RBFOX1: variants seen among roughly 807,000 people sequenced by gnomAD.
RBFOX1 encodes RNA binding protein fox-1 homolog 1.
A neutral mutation model predicts 57.7 loss-of-function variants in RBFOX1; 8 were observed. The observed-to-expected ratio is 0.14, with a 90% confidence interval of 0.08 to 0.25. The LOEUF (loss-of-function observed/expected upper bound fraction) is 0.25, where lower values mean the gene tolerates loss of function less well. Ranked by LOEUF, RBFOX1 falls within the 10% of genes least tolerant of loss-of-function variation. The pLI, the probability that RBFOX1 is intolerant of heterozygous loss-of-function variation, is 1.00. For missense variants in RBFOX1, 611 were observed against 548.5 expected (o/e 1.11, Z -1.14); for synonymous variants, 326 against 222.4 (o/e 1.47, Z -4.15).
At chr16:6,512,977 G>T (rs2096284434) in intron 2 of RBFOX1, among the ~76,000 whole-genome samples, 1 of 152,178 alleles carries the variant, frequency 6.6e-6, no homozygotes, top group African/African-American at 2.4e-5. Flanking sequence ...AGGAGAAGCA[G>T]AATAATTTTG....
intron 3 of RBFOX1, among the ~76,000 whole-genome samples, chr16:6,929,431 C>A (rs993034012): frequency 6.6e-6 from 1 of 152,146 alleles, no homozygotes; most frequent in Non-Finnish European, 1.5e-5. Flanking sequence ...AGGTAAACAG[C>A]AGTTCCCTGG....
chr16:7,690,949 C>T (rs1327958899), intron 14 of RBFOX1, among the ~76,000 whole-genome samples: 2 of 152,084 alleles, frequency 1.3e-5, no homozygotes, highest in Non-Finnish European at 1.5e-5. Flanking sequence ...TCTGATTTTA[C>T]AGACATTTCC....
intron 2 of RBFOX1, among the ~76,000 whole-genome samples, chr16:6,463,025 T>A (rs2094956301): frequency 6.6e-6 from 1 of 152,220 alleles, no homozygotes; most frequent in Non-Finnish European, 1.5e-5. Context: ...TGAGTTTATC[T>A]ACAAGATCCT....
intron 4 of RBFOX1, among the ~76,000 whole-genome samples, chr16:7,347,344 A>G (rs531033189): frequency 6.6e-6 from 1 of 152,300 alleles, no homozygotes; most frequent in Non-Finnish European, 1.5e-5. Context: ...GACATGTTTC[A>G]CATGGATGAC....
At chr16:7,507,921 C>T (rs1450763359) in intron 4 of RBFOX1, among the ~76,000 whole-genome samples, 1 of 151,470 alleles carries the variant, frequency 6.6e-6, no homozygotes. Context: ...ACTAAGGACC[C>T]ATGTTCTGTT....
chr16:5,963,641 A>G (rs1049114527), intron 4 of RBFOX1, among the ~76,000 whole-genome samples: 1 of 152,238 alleles, frequency 6.6e-6, no homozygotes, highest in African/African-American at 2.4e-5. Flanking sequence ...AAGGGTGACA[A>G]GAACCTGCAA....
At chr16:7,628,332 T>C (rs990001308) in intron 10 of RBFOX1, among the ~76,000 whole-genome samples, 7 of 152,188 alleles carry the variant, frequency 4.6e-5, no homozygotes, top group African/African-American at 1.4e-4. Flanking sequence ...GTATATCCTA[T>C]AGAAACACAT....
At chr16:5,792,232 A>C (rs2054726801) in intron 3 of RBFOX1, among the ~76,000 whole-genome samples, 1 of 152,202 alleles carries the variant, frequency 6.6e-6, no homozygotes, top group South Asian at 2.1e-4. Context: ...GCTTCTCTGT[A>C]AATGGTCAGT....
chr16:6,234,543 G>A (rs771392489), intron 1 of RBFOX1, among the ~76,000 whole-genome samples: 1 of 152,270 alleles, frequency 6.6e-6, no homozygotes, highest in African/African-American at 2.4e-5. Context: ...GAAGGCTTCA[G>A]GAATAGGAGC....
chr16:7,691,179 C>A (rs1404724591), intron 14 of RBFOX1, among the ~76,000 whole-genome samples: 1 of 150,512 alleles, frequency 6.6e-6, no homozygotes, highest in Non-Finnish European at 1.5e-5. Context: ...CTGTTAACTC[C>A]TTTTAAATGT....
At chr16:6,375,819 C>G (rs1169481987) in intron 2 of RBFOX1, among the ~76,000 whole-genome samples, 1 of 152,158 alleles carries the variant, frequency 6.6e-6, no homozygotes, top group Non-Finnish European at 1.5e-5. Flanking sequence ...TTCCCTATCC[C>G]TTCTCTCTCC....
chr16:7,452,895 G>A lies in RBFOX1; in HGVS notation c.28-65252G>A, dbSNP rs912360792. On this transcript the variant is annotated intron_variant, in intron 4 of 15. Transcript: ENST00000550418. ...CAGAATCCCAGCATTTTGGGAGGTCGTGGTGGGTGGATCACTTGAGGCCAG... is the reference window on the plus strand; with the variant it reads ...CAGAATCCCAGCATTTTGGGAGGTCATGGTGGGTGGATCACTTGAGGCCAG... 3.9e-5 allele frequency among the ~76,000 whole-genome samples: 6 copies of A among 152,234 alleles called. No homozygotes were observed. The East Asian group carries it at 7.7e-4, about 20-fold the overall frequency.
chr16:6,722,120 G>C (rs574299110), intron 3 of RBFOX1, among the ~76,000 whole-genome samples: 33 of 152,192 alleles, frequency 2.2e-4, no homozygotes, highest in Admixed American at 6.5e-4. Flanking sequence ...CGGTTGCACA[G>C]ATATCTCTCT....
chr16:5,301,618 C>CAAAAA (rs60501583), intron 1 of RBFOX1, among the ~76,000 whole-genome samples: 364 of 84,664 alleles, frequency 4.3e-3, no homozygotes, highest in East Asian at 6.7e-3. Flanking sequence ...GTCTCCATCT[C>CAAAAA]AAAAAAAAAA....
At chr16:6,876,944 G>A (rs12925134) in intron 3 of RBFOX1, among the ~76,000 whole-genome samples, 38,376 of 151,894 alleles carry the variant, frequency 0.25, 5,059 homozygotes, top group African/African-American at 0.32. Context: ...AAGTTTCTCA[G>A]TATTTATGGA....
At chr16:7,136,404 A>ATTTTTTTTTTTTT (rs35623726) in intron 4 of RBFOX1, among the ~76,000 whole-genome samples, 6 of 110,934 alleles carry the variant, frequency 5.4e-5, no homozygotes, top group African/African-American at 2.1e-4. Context: ...TCATCTTGGG[A>ATTTTTTTTTTTTT]TTTTTTTTTT....
At chr16:6,278,377 CAAAAAAAAAAAAAAAAAA>C (rs57523660) in intron 1 of RBFOX1, among the ~76,000 whole-genome samples, 50 of 28,048 alleles carry the variant, frequency 1.8e-3, no homozygotes, top group African/African-American at 4.9e-3. Flanking sequence ...TAGGACTCAC[CAAAAAAAAAAAAAAAAAA>C]AAAAAAAAAA....
intron 1 of RBFOX1, among the ~76,000 whole-genome samples, chr16:6,285,645 C>T (rs1168037252): frequency 1.3e-5 from 2 of 152,120 alleles, no homozygotes; most frequent in African/African-American, 2.4e-5. Flanking sequence ...ATGACCATCA[C>T]GTTGGCTTGA....
chr16:6,971,509 GGT>G (rs34694992), intron 3 of RBFOX1, among the ~76,000 whole-genome samples: 3 of 149,764 alleles, frequency 2.0e-5, no homozygotes, highest in Admixed American at 6.7e-5. Flanking sequence ...AGAGAGAGTT[GGT>G]GTGTGTGTGT....
Sources: gnomAD v4.1 joint callset for allele counts (sites outside exome capture counted in the v4.1 genomes callset) on GRCh38, gnomAD v4.1.1 for gene constraint, MANE v1.5 for transcripts, NCBI Gene and HGNC (gene_info 2026-07-23, HGNC 2026-07-21) for gene names.